RGPD2: variants seen among roughly 807,000 people sequenced by gnomAD.
The protein encoded by RGPD2 is RANBP2-like and GRIP domain-containing protein 2.
A neutral mutation model predicts 36.0 loss-of-function variants in RGPD2; 2 were observed. The observed-to-expected ratio is 0.06, with a 90% confidence interval of 0.02 to 0.17. RGPD2 has a LOEUF of 0.17. Among genes scored for constraint, RGPD2 ranks in the 10% least tolerant of loss-of-function variants. RGPD2 has a pLI of 1.00. For synonymous variants in RGPD2, 19 were observed against 163.8 expected, an observed-to-expected ratio of 0.12 and a Z score of 6.75; for missense variants, 40 against 464.3, an observed-to-expected ratio of 0.09 and a Z score of 8.40.
intron 22 of RGPD2, among the ~76,000 whole-genome samples, chr2:87,763,352 T>G (rs1573994228): frequency 6.7e-6 from 1 of 149,686 alleles, no homozygotes; most frequent in Middle Eastern, 3.4e-3. Flanking sequence ...AGAGACGGGG[T>G]TTCACCGTGT....
the RGPD2 span, among the ~76,000 whole-genome samples, chr2:87,909,115 C>G: frequency 6.6e-6 from 1 of 150,984 alleles, no homozygotes; most frequent in Non-Finnish European, 1.5e-5. Flanking sequence ...TTGGAGTTCT[C>G]CCATGAGGAG....
rs1686737561 is a variant in RGPD2 at position 87,825,533 on chromosome 2, GAGGCCGAGGCCGCCGCCCGGCC to G, written c.72+103_72+124del. ...CCGAGGCCGCCGCCCGGCCGAGGCC[GAGGCCGAGGCCGCCGCCCGGCC>G]AGGTCGAGGCCGCCGCCCGGCCAGG... On this transcript the variant is annotated intron_variant, in intron 1 of 22. Transcript: ENST00000398146. The G allele has an allele frequency of 1.0e-5, 5 of 498,664 alleles. 1 individual carries two copies. The highest frequency in any genetic ancestry group is 2.9e-4 in the East Asian group (1 of 3,482). The allele number at this position is 498,664 out of a possible 1,614,324, so 30.9% of individuals were successfully genotyped here.
chr2:87,930,685 C>A, the RGPD2 span, among the ~76,000 whole-genome samples: 144,736 of 150,654 alleles, frequency 0.96, 69,585 homozygotes, highest in East Asian at 0.99. Flanking sequence ...ATTTCAATTC[C>A]TCTGATCCTG....
chr2:87,937,337 T>A, the RGPD2 span, among the ~76,000 whole-genome samples: 2 of 151,782 alleles, frequency 1.3e-5, no homozygotes, highest in Non-Finnish European at 2.9e-5. Flanking sequence ...ATTCCAAGAT[T>A]CAAGGGTGTG....
the RGPD2 span, among the ~76,000 whole-genome samples, chr2:87,870,665 C>T: frequency 1.3e-5 from 2 of 152,160 alleles, no homozygotes; most frequent in Non-Finnish European, 2.9e-5. Flanking sequence ...TCTTGTTTTC[C>T]TTTGCAGCTA....
the RGPD2 span, among the ~76,000 whole-genome samples, chr2:87,914,696 GC>G: frequency 7.5e-6 from 1 of 133,344 alleles, no homozygotes; most frequent in Non-Finnish European, 1.6e-5. Context: ...CAGGTCTTTG[GC>G]CTCACATATG....
chr2:87,844,320 ATAAT>A, the RGPD2 span, among the ~76,000 whole-genome samples: 2 of 149,376 alleles, frequency 1.3e-5, no homozygotes, highest in African/African-American at 4.9e-5. Context: ...CAGAATAAAA[ATAAT>A]TATTAATAGT....
the RGPD2 span, among the ~76,000 whole-genome samples, chr2:87,910,705 A>G: frequency 1.3e-5 from 2 of 151,928 alleles, no homozygotes; most frequent in Non-Finnish European, 1.5e-5. Context: ...ACAGATAATA[A>G]ATGATAGAGT....
the RGPD2 span, among the ~76,000 whole-genome samples, chr2:87,960,141 T>C: frequency 2.0e-5 from 3 of 151,386 alleles, no homozygotes; most frequent in Admixed American, 2.0e-4. Flanking sequence ...CACAGATGTT[T>C]TTATGTTTCT....
At chr2:87,823,753 A>AT (rs1434223643) in intron 1 of RGPD2, among the ~76,000 whole-genome samples, 1 of 147,820 alleles carries the variant, frequency 6.8e-6, no homozygotes, top group Non-Finnish European at 1.5e-5. Context: ...AGAAAAAAAA[A>AT]CTAACAGCTG....
At chr2:87,887,308 G>A in the RGPD2 span, among the ~76,000 whole-genome samples, 4 of 151,340 alleles carry the variant, frequency 2.6e-5, no homozygotes, top group African/African-American at 2.4e-5. Flanking sequence ...AAAAACATTC[G>A]TGTGTTTTCT....
At chr2:87,836,465 A>C in the RGPD2 span, among the ~76,000 whole-genome samples, 1 of 151,920 alleles carries the variant, frequency 6.6e-6, no homozygotes, top group Non-Finnish European at 1.5e-5. Context: ...GTTAAAGAAA[A>C]GAAATTTCAA....
the RGPD2 span, among the ~76,000 whole-genome samples, chr2:87,934,575 C>T: frequency 6.6e-6 from 1 of 151,112 alleles, no homozygotes; most frequent in Non-Finnish European, 1.5e-5. Flanking sequence ...ATTATTTAGA[C>T]AGTTATTTGA....
chr2:87,976,230 G>A, the RGPD2 span, among the ~76,000 whole-genome samples: 2 of 151,750 alleles, frequency 1.3e-5, no homozygotes, highest in South Asian at 4.2e-4. Context: ...ACCAGATATT[G>A]TGTGGAGCAA....
the RGPD2 span, among the ~76,000 whole-genome samples, chr2:87,832,707 G>C: frequency 6.6e-6 from 1 of 152,064 alleles, no homozygotes; most frequent in East Asian, 1.9e-4. Flanking sequence ...TGTAAACCCA[G>C]CACTTTGGGA....
the RGPD2 span, among the ~76,000 whole-genome samples, chr2:87,910,560 C>A: frequency 7.7e-3 from 1,174 of 152,294 alleles, 1 homozygote; most frequent in South Asian, 0.023. Context: ...GTTGTGAGTT[C>A]TTTTATTCAT....
At chr2:87,884,184 A>T in the RGPD2 span, among the ~76,000 whole-genome samples, 1 of 152,016 alleles carries the variant, frequency 6.6e-6, no homozygotes, top group Admixed American at 6.6e-5. Flanking sequence ...TAACTAATAC[A>T]CTCCTCAACA....
At chr2:87,983,157 T>C in the RGPD2 span, among the ~76,000 whole-genome samples, 1 of 151,306 alleles carries the variant, frequency 6.6e-6, no homozygotes, top group East Asian at 2.0e-4. Flanking sequence ...CCGTCTCTAC[T>C]AAAAATACAG....
At chr2:87,972,156 A>C in the RGPD2 span, among the ~76,000 whole-genome samples, 1 of 152,192 alleles carries the variant, frequency 6.6e-6, no homozygotes, top group Non-Finnish European at 1.5e-5. Flanking sequence ...CAGCAATGAA[A>C]GCAGTGAAAA....
Sources: gnomAD v4.1 joint callset for allele counts (sites outside exome capture counted in the v4.1 genomes callset) on GRCh38, gnomAD v4.1.1 for gene constraint, MANE v1.5 for transcripts, NCBI Gene and HGNC (gene_info 2026-07-23, HGNC 2026-07-21) for gene names.